Variants in FAM114A2 observed in about 807,000 individuals in gnomAD.
The protein encoded by FAM114A2 is family with sequence similarity 114 member A2, also known as protein FAM114A2.
FAM114A2 carries 53 observed loss-of-function variants against 58.4 expected under a neutral mutation model. The observed-to-expected ratio is 0.91, with a 90% CI of 0.73 to 1.14. The LOEUF is 1.14. Ranked by LOEUF, FAM114A2 falls within the 50% of genes most tolerant of loss-of-function variation. FAM114A2 has a pLI of 0.00. For synonymous variants in FAM114A2, 228 were observed against 211.4 expected (o/e 1.08, Z -0.68); for missense variants, 601 against 581.1 (o/e 1.03, Z -0.35).
At chr5:153,995,878 C>T (rs1477418537) in intron 12 of FAM114A2, among the ~76,000 whole-genome samples, 1 of 152,132 alleles carries the variant, frequency 6.6e-6, no homozygotes, top group Non-Finnish European at 1.5e-5. Flanking sequence ...GTGAGCACTG[C>T]CATAGTCTAA....
intron 12 of FAM114A2, among the ~76,000 whole-genome samples, chr5:153,995,984 A>C (rs1331863064): frequency 6.6e-6 from 1 of 152,214 alleles, no homozygotes; most frequent in Non-Finnish European, 1.5e-5. Context: ...ATAGCATAAA[A>C]AATACTGAAA....
rs765413204 is a variant in FAM114A2, at chr5:153,997,761, A to C, written c.1329+42T>G. The C allele has an allele frequency of 2.6e-6, 3 of 1,171,446 alleles. No homozygotes were observed. In the East Asian group the frequency reaches 7.0e-5, roughly 27 times the overall value. The allele number at this position is 1,171,446 out of a possible 1,614,324, so 72.6% of individuals were successfully genotyped here. On this transcript the variant is annotated intron_variant, in intron 12 of 13. Coordinates refer to ENST00000351797, the MANE Select transcript of FAM114A2 (RefSeq NM_018691.4). Reference sequence around the variant, plus strand: ...TTTATGATATTTAAACTGCTAAAGAAACCAGACAAACATTATTGCAGTAAG... The same window carrying C: ...TTTATGATATTTAAACTGCTAAAGACACCAGACAAACATTATTGCAGTAAG...
chr5:154,005,435 T>C (rs1010532736), intron 9 of FAM114A2, among the ~76,000 whole-genome samples: 1 of 152,090 alleles, frequency 6.6e-6, no homozygotes, highest in African/African-American at 2.4e-5. Context: ...GGTAAAATTA[T>C]CAGCAAAAAG....
chr5:153,995,729 C>T (rs182848603), intron 12 of FAM114A2, among the ~76,000 whole-genome samples: 1 of 152,240 alleles, frequency 6.6e-6, no homozygotes, highest in Admixed American at 6.5e-5. Flanking sequence ...TTGATTTTAT[C>T]CCAACTCATT....
intron 9 of FAM114A2, among the ~76,000 whole-genome samples, chr5:154,008,497 C>T (rs1166168828): frequency 6.6e-6 from 1 of 152,106 alleles, no homozygotes; most frequent in East Asian, 1.9e-4. Flanking sequence ...AATTCCACAC[C>T]TGACCTCATA....
intron 5 of FAM114A2, among the ~76,000 whole-genome samples, chr5:154,029,112 C>T (rs147945967): frequency 2.0e-3 from 312 of 152,272 alleles, no homozygotes; most frequent in African/African-American, 7.0e-3. Flanking sequence ...TTGCAAATAT[C>T]TGTCATAAAG....
At chr5:154,027,652 C>T (rs969832345) in intron 6 of FAM114A2, 1 of 205,224 alleles carries the variant, frequency 4.9e-6, no homozygotes, top group Non-Finnish European at 9.7e-6. Flanking sequence ...AGGCATACGC[C>T]ACCACGTCCA....
At chr5:154,033,089 G>A (rs1318148337) in intron 4 of FAM114A2, among the ~76,000 whole-genome samples, 2 of 152,106 alleles carry the variant, frequency 1.3e-5, no homozygotes, top group African/African-American at 4.8e-5. Flanking sequence ...ATTCAGAAGT[G>A]GAAATAACTG....
At chr5:154,029,820 C>A (rs879942534) in intron 4 of FAM114A2, among the ~76,000 whole-genome samples, 19 of 152,254 alleles carry the variant, frequency 1.2e-4, no homozygotes, top group Middle Eastern at 6.8e-3. Context: ...ATATATACAA[C>A]AGCCTATATG....
rs2560049 is a variant in FAM114A2 at position 153,993,016 on chromosome 5, C to T, written c.1478G>A (p.Arg493Lys). ...AGGTTTCTGGCCCTGCAGCTCATGT[C>T]TGTGTGATTCAATCTTGTTCTCAAT... ...SLIENKIESH[R>K]HELQGQKPLL... Residue 493 changes from arginine to lysine, a missense_variant, in exon 14 of 14, where the codon AGA (arginine) becomes AAA (lysine). Coordinates refer to ENST00000351797, the MANE Select transcript of FAM114A2 (RefSeq NM_018691.4). 1 of 1,613,230 alleles carries T rather than the reference C, an allele frequency of 6.2e-7. No homozygotes were observed. The highest frequency in any genetic ancestry group is 1.3e-5 in the African/African-American group (1 of 74,900).
intron 4 of FAM114A2, 44 bp from the exon 5 acceptor site, chr5:154,029,624 T>A: frequency 9.1e-7 from 1 of 1,102,112 alleles, no homozygotes; most frequent in Non-Finnish European, 1.4e-6. Flanking sequence ...GAAGGTCCCT[T>A]AACTCTCAGG....
intron 13 of FAM114A2, among the ~76,000 whole-genome samples, chr5:153,993,415 G>A (rs909758726): frequency 7.2e-5 from 11 of 152,162 alleles, no homozygotes; most frequent in African/African-American, 2.7e-4. Flanking sequence ...CCTTTATTGA[G>A]TAGGGTAGAT....
intron 8 of FAM114A2, among the ~76,000 whole-genome samples, chr5:154,018,068 G>C (rs1771158147): frequency 6.6e-6 from 1 of 152,094 alleles, no homozygotes; most frequent in African/African-American, 2.4e-5. Context: ...ACCAAGATCA[G>C]AACAGAACTA....
chr5:153,994,803 A>G, intron 13 of FAM114A2, 116 bp downstream of exon 13: 1 of 672,988 alleles, frequency 1.5e-6, no homozygotes, highest in East Asian at 2.6e-5. Context: ...ATCTACATCA[A>G]TATGGCTAAA....
chr5:153,994,416 T>C (rs1383196634), intron 13 of FAM114A2, among the ~76,000 whole-genome samples: 1 of 152,188 alleles, frequency 6.6e-6, no homozygotes, highest in Admixed American at 6.5e-5. Context: ...AGGATCCTCT[T>C]TTCCATTGAC....
At chr5:154,024,384 CCTA>C (rs1352898947) in intron 8 of FAM114A2, among the ~76,000 whole-genome samples, 2 of 151,998 alleles carry the variant, frequency 1.3e-5, no homozygotes, top group Non-Finnish European at 2.9e-5. Context: ...TTAACATAAA[CCTA>C]CTTTTTATTT....
intron 9 of FAM114A2, among the ~76,000 whole-genome samples, chr5:154,004,627 T>C (rs771277620): frequency 3.3e-5 from 5 of 152,288 alleles, no homozygotes; most frequent in Admixed American, 6.5e-5. Context: ...CAGGTACCAG[T>C]TACCTGAGCC....
intron 8 of FAM114A2, among the ~76,000 whole-genome samples, chr5:154,018,086 T>C (rs971265573): frequency 6.6e-6 from 1 of 152,026 alleles, no homozygotes; most frequent in South Asian, 2.1e-4. Flanking sequence ...CTAAATGAAG[T>C]TGAAACAAAC....
At chr5:154,036,181 T>C (rs1393406411) in intron 1 of FAM114A2, 1 of 152,232 alleles carries the variant, frequency 6.6e-6, no homozygotes, top group Non-Finnish European at 1.5e-5. Flanking sequence ...AGGTATAATT[T>C]ATCAATTTTT....
Sources: allele counts gnomAD v4.1 joint callset (sites outside exome capture counted in the v4.1 genomes callset), GRCh38; gene constraint gnomAD v4.1.1; transcripts MANE v1.5; gene names NCBI Gene and HGNC (gene_info 2026-07-23, HGNC 2026-07-21).